Variants in LHFPL3 observed in about 807,000 individuals in gnomAD.
The protein encoded by LHFPL3 is LHFPL tetraspan subfamily member 3 protein.
LHFPL3 carries 5 observed loss-of-function variants against 19.3 expected under a neutral mutation model. That is an observed-to-expected ratio of 0.26 (90% CI 0.14 to 0.54). LHFPL3 has a LOEUF of 0.54. Ranked by LOEUF, LHFPL3 falls within the 20% of genes least tolerant of loss-of-function variation. The pLI is 0.94. For synonymous variants in LHFPL3, 133 were observed against 126.2 expected, an observed-to-expected ratio of 1.05 and a Z score of -0.36; for missense variants, 249 against 307.4, an observed-to-expected ratio of 0.81 and a Z score of 1.42.
At position 104,422,746 on chromosome 7, in the gene LHFPL3, C is replaced by CA. The variant is rs1341185569; in HGVS notation, c.445+93528dup. ...GTTAAGATAAAATATGATAGTGTAC[C>CA]AAAAAAGATTCACAGACTGGAAACT... is the stretch of plus-strand genomic sequence containing the variant. On this transcript the variant is annotated intron_variant, in intron 1 of 2. Transcript: ENST00000424859. 2.6e-5 allele frequency among the ~76,000 whole-genome samples: 4 copies of CA among 152,098 alleles called. No individual in the cohort carries two copies. The South Asian group carries it at 6.2e-4, about 24-fold the overall frequency.
chr7:104,449,639 C>A (rs1792394404), intron 1 of LHFPL3, among the ~76,000 whole-genome samples: 1 of 152,146 alleles, frequency 6.6e-6, no homozygotes, highest in South Asian at 2.1e-4. Flanking sequence ...CTTTTTAGGA[C>A]TTAGTCAGAG....
intron 2 of LHFPL3, among the ~76,000 whole-genome samples, chr7:104,792,111 G>GTGTC (rs1790035017): frequency 6.6e-6 from 1 of 152,182 alleles, no homozygotes. Flanking sequence ...TTTCCTAGCA[G>GTGTC]TGTCATCCCT....
At chr7:104,703,985 TTTTA>T (rs1162585170) in intron 1 of LHFPL3, among the ~76,000 whole-genome samples, 2 of 152,228 alleles carry the variant, frequency 1.3e-5, no homozygotes, top group African/African-American at 4.8e-5. Context: ...TACCAAGATA[TTTTA>T]TTTGTCTACT....
At chr7:104,479,077 G>T (rs1562910335) in intron 1 of LHFPL3, among the ~76,000 whole-genome samples, 1 of 152,110 alleles carries the variant, frequency 6.6e-6, no homozygotes, top group African/African-American at 2.4e-5. Flanking sequence ...CTGAGGCTGG[G>T]GTGGCTGTTA....
chr7:104,429,398 T>C (rs957660901), intron 1 of LHFPL3, among the ~76,000 whole-genome samples: 5 of 147,286 alleles, frequency 3.4e-5, no homozygotes, highest in African/African-American at 1.0e-4. Flanking sequence ...ACCTCCTCCT[T>C]CTGGGTTCAA....
intron 1 of LHFPL3, among the ~76,000 whole-genome samples, chr7:104,509,371 G>T (rs1456726858): frequency 6.6e-6 from 1 of 152,018 alleles, no homozygotes; most frequent in Non-Finnish European, 1.5e-5. Context: ...TGAACGATAT[G>T]TATAAAGAAT....
chr7:104,581,884 T>C (rs2891726), intron 1 of LHFPL3, among the ~76,000 whole-genome samples: 20,522 of 152,034 alleles, frequency 0.13, 1,449 homozygotes, highest in Non-Finnish European at 0.15. Flanking sequence ...TTGATTAATG[T>C]AGCTTGATAA....
chr7:104,805,582 G>T (rs551446150), intron 2 of LHFPL3, among the ~76,000 whole-genome samples: 1 of 152,248 alleles, frequency 6.6e-6, no homozygotes, highest in East Asian at 1.9e-4. Flanking sequence ...CCCTTCCAGG[G>T]TGGCACAGCT....
intron 1 of LHFPL3, among the ~76,000 whole-genome samples, chr7:104,353,610 A>T (rs2116394334): frequency 6.6e-6 from 1 of 152,340 alleles, no homozygotes; most frequent in South Asian, 2.1e-4. Context: ...TTCTTCATCA[A>T]TGCCCTGTTA....
At chr7:104,672,882 C>T (rs564018545) in intron 1 of LHFPL3, among the ~76,000 whole-genome samples, 105 of 152,070 alleles carry the variant, frequency 6.9e-4, no homozygotes, top group Non-Finnish European at 1.1e-3. Context: ...CAAATGAATG[C>T]TCGGGGTTTC....
chr7:104,372,351 G>A (rs758697284), intron 1 of LHFPL3, among the ~76,000 whole-genome samples: 9 of 152,302 alleles, frequency 5.9e-5, no homozygotes, highest in Admixed American at 2.6e-4. Flanking sequence ...GGACCAACAG[G>A]AGCAGTGAAT....
chr7:104,547,167 C>T lies in LHFPL3; in HGVS notation c.446-189508C>T, dbSNP rs1156803668. Among the ~76,000 whole-genome samples the T allele has an allele frequency of 1.3e-4, 4 of 31,238 alleles. 2 individuals carry two copies. The highest frequency in any genetic ancestry group is 9.4e-4 in the Admixed American group (2 of 2,118). 20.5% of individuals were successfully genotyped at this position (31,238 alleles called of 152,430 possible). A position where few individuals can be genotyped will look rare whatever the true frequency, so the allele number is the denominator to read the frequency against. On this transcript the variant is annotated intron_variant, in intron 1 of 2. Coordinates refer to ENST00000424859, the MANE Select transcript of LHFPL3 (RefSeq NM_199000.3). ...AGGAGAATGGCGTGAACCCGGGAAGCGGAGCTTGCAGTGAGCCGAGATTGC... is the reference window on the plus strand; with the variant it reads ...AGGAGAATGGCGTGAACCCGGGAAGTGGAGCTTGCAGTGAGCCGAGATTGC...
chr7:104,436,060 C>G (rs1404725388), intron 1 of LHFPL3, among the ~76,000 whole-genome samples: 1 of 152,066 alleles, frequency 6.6e-6, no homozygotes, highest in Non-Finnish European at 1.5e-5. Flanking sequence ...TCATTATAGT[C>G]TAGACCTGCA....
intron 1 of LHFPL3, among the ~76,000 whole-genome samples, chr7:104,347,981 T>G (rs1443309918): frequency 6.6e-6 from 1 of 152,040 alleles, no homozygotes; most frequent in East Asian, 1.9e-4. Flanking sequence ...GAAACTGATA[T>G]AAAGACAATT....
At chr7:104,792,776 TA>T (rs931649941) in intron 2 of LHFPL3, among the ~76,000 whole-genome samples, 27 of 152,294 alleles carry the variant, frequency 1.8e-4, no homozygotes, top group African/African-American at 4.8e-4. Context: ...TTTCAGTACA[TA>T]AAAAAACTGC....
At chr7:104,677,854 C>T (rs1281006864) in intron 1 of LHFPL3, among the ~76,000 whole-genome samples, 1 of 152,198 alleles carries the variant, frequency 6.6e-6, no homozygotes, top group African/African-American at 2.4e-5. Flanking sequence ...ATTTAATAAA[C>T]ACTGTTCCTC....
chr7:104,648,790 A>G (rs778877127), intron 1 of LHFPL3, among the ~76,000 whole-genome samples: 2 of 152,208 alleles, frequency 1.3e-5, no homozygotes, highest in African/African-American at 4.8e-5. Context: ...CTCTAAAAGT[A>G]AAGTTGTTCA....
intron 1 of LHFPL3, among the ~76,000 whole-genome samples, chr7:104,553,473 G>A (rs1051604722): frequency 6.6e-6 from 1 of 152,132 alleles, no homozygotes; most frequent in Non-Finnish European, 1.5e-5. Context: ...TGAACCACTT[G>A]CCACCTTTGT....
intron 2 of LHFPL3, among the ~76,000 whole-genome samples, chr7:104,855,446 AT>A: frequency 6.6e-6 from 1 of 152,102 alleles, no homozygotes. Context: ...GCTCTCTTGG[AT>A]TTTGAATTAT....
Sources: gnomAD v4.1 joint callset for allele counts (sites outside exome capture counted in the v4.1 genomes callset) on GRCh38, gnomAD v4.1.1 for gene constraint, MANE v1.5 for transcripts, NCBI Gene and HGNC (gene_info 2026-07-23, HGNC 2026-07-21) for gene names.